Variants in TTC6 observed in about 807,000 individuals in gnomAD.
TTC6 encodes the protein tetratricopeptide repeat protein 6.
TTC6 carries 172 observed loss-of-function variants against 210.4 expected under a neutral mutation model. That is an observed-to-expected ratio of 0.82 (90% CI 0.72 to 0.93). The LOEUF is 0.93. Ranked by LOEUF, TTC6 falls within the 40% of genes least tolerant of loss-of-function variation. The pLI is 0.00. For synonymous variants in TTC6, 804 were observed against 819.6 expected (o/e 0.98, Z 0.32); for missense variants, 2,414 against 2,318.1 (o/e 1.04, Z -0.85).
intron 7 of TTC6, among the ~76,000 whole-genome samples, chr14:37,733,648 T>C (rs1001537424): frequency 1.6e-4 from 25 of 152,226 alleles, no homozygotes; most frequent in African/African-American, 6.0e-4. Flanking sequence ...TTTAAGTTTT[T>C]CATTTGCATT....
At chr14:37,765,645 A>G (rs2095996977) in intron 14 of TTC6, among the ~76,000 whole-genome samples, 1 of 152,016 alleles carries the variant, frequency 6.6e-6, no homozygotes, top group Non-Finnish European at 1.5e-5. Flanking sequence ...GGTGTTCTTT[A>G]CCTTGTTGTA....
chr14:37,782,221 A>G (rs28845788), intron 14 of TTC6, among the ~76,000 whole-genome samples: 56,923 of 151,940 alleles, frequency 0.37, 11,415 homozygotes, highest in Non-Finnish European at 0.46. Flanking sequence ...CTTTGGCAGT[A>G]TGACCATTTT....
Position 37,660,414 on chromosome 14 carries a change from T to C in TTC6, c.940-19737T>C, listed in dbSNP as rs1566870595. Among the ~76,000 whole-genome samples, 3 of 152,124 alleles carry C rather than the reference T, an allele frequency of 2.0e-5. No individual in the cohort carries two copies. In the East Asian group the frequency reaches 5.8e-4, roughly 29 times the overall value. ...ACCCCTGGACAGGCCCCAGTGTGTG[T>C]TGTTCCCCTCTCTGTGTCCATGTGT... On this transcript the variant is annotated intron_variant, in intron 1 of 30. Coordinates refer to ENST00000553443, the Ensembl canonical transcript of TTC6.
chr14:37,655,132 G>T (rs1001010155), intron 1 of TTC6, among the ~76,000 whole-genome samples: 10 of 152,184 alleles, frequency 6.6e-5, no homozygotes, highest in African/African-American at 2.2e-4. Flanking sequence ...CTTGTCCAGT[G>T]TAGCAGGCCC....
intron 26 of TTC6, 43 bp downstream of exon 28, chr14:37,817,694 A>G: frequency 6.4e-7 from 1 of 1,560,258 alleles, no homozygotes; most frequent in Non-Finnish European, 8.8e-7. Flanking sequence ...AAGCAGGACC[A>G]TCAGACTTAT....
chr14:37,751,272 C>T (rs776551525), intron 13 of TTC6, 47 bp downstream of exon 15: 119 of 1,354,524 alleles, frequency 8.8e-5, no homozygotes, highest in South Asian at 1.2e-4. Flanking sequence ...GTTTAGATTG[C>T]GATATCCTCA....
At chr14:37,830,532 T>A (rs1161567399) in intron 29 of TTC6, among the ~76,000 whole-genome samples, 2 of 151,922 alleles carry the variant, frequency 1.3e-5, no homozygotes, top group Non-Finnish European at 2.9e-5. Context: ...ATTTTCTTTG[T>A]CTTTCTTTTG....
chr14:37,663,208 T>G (rs2095740970), intron 1 of TTC6, among the ~76,000 whole-genome samples: 1 of 152,138 alleles, frequency 6.6e-6, no homozygotes, highest in South Asian at 2.1e-4. Context: ...ATGACTGTTG[T>G]TGGTGATTTT....
intron 14 of TTC6, among the ~76,000 whole-genome samples, chr14:37,777,043 T>C (rs935356549): frequency 2.0e-5 from 3 of 152,226 alleles, no homozygotes; most frequent in Non-Finnish European, 4.4e-5. Flanking sequence ...TTCTGTCATT[T>C]AGACCTTGGA....
At chr14:37,772,763 T>C (rs1455520779) in intron 14 of TTC6, among the ~76,000 whole-genome samples, 2 of 152,182 alleles carry the variant, frequency 1.3e-5, no homozygotes, top group Non-Finnish European at 2.9e-5. Context: ...ATCACCCGTC[T>C]TCTGCGTTGC....
intron 1 of TTC6, among the ~76,000 whole-genome samples, chr14:37,628,325 C>G (rs1404101198): frequency 6.6e-6 from 1 of 152,168 alleles, no homozygotes; most frequent in Admixed American, 6.5e-5. Context: ...GATGGTATCT[C>G]ATTGTGGTTT....
intron 1 of TTC6, among the ~76,000 whole-genome samples, chr14:37,657,346 AT>A (rs1293942204): frequency 2.3e-5 from 3 of 131,854 alleles, no homozygotes; most frequent in African/African-American, 5.4e-5. Context: ...GAAGCTTTCT[AT>A]TTAAAAAAAA....
chr14:37,818,979 G>T (rs1232897748), intron 26 of TTC6, among the ~76,000 whole-genome samples: 1 of 152,102 alleles, frequency 6.6e-6, no homozygotes, highest in Admixed American at 6.6e-5. Flanking sequence ...AACCATTAGA[G>T]CCAGTAAATT....
At chr14:37,802,784 G>A (rs2096109922) in intron 20 of TTC6, among the ~76,000 whole-genome samples, 1 of 149,962 alleles carries the variant, frequency 6.7e-6, no homozygotes, top group South Asian at 2.1e-4. Context: ...CCCAGCTGGA[G>A]TGCAGTGGCG....
intron 15 of TTC6, among the ~76,000 whole-genome samples, chr14:37,788,663 C>T (rs559843055): frequency 4.6e-5 from 7 of 152,214 alleles, no homozygotes; most frequent in African/African-American, 1.7e-4. Flanking sequence ...CCCATCTTTG[C>T]CCACCCTCAC....
chr14:37,608,462 A>G (rs1470444827), intron 2 of TTC6, among the ~76,000 whole-genome samples: 1 of 151,700 alleles, frequency 6.6e-6, no homozygotes, highest in African/African-American at 2.4e-5. Context: ...GGTTCATGCC[A>G]CCACACCTGG....
At chr14:37,709,728 A>G (rs1466801139) in intron 5 of TTC6, among the ~76,000 whole-genome samples, 3 of 150,878 alleles carry the variant, frequency 2.0e-5, no homozygotes, top group Admixed American at 6.6e-5. Flanking sequence ...ATATAGTTAT[A>G]CACTTACTCT....
At chr14:37,787,819 A>G (rs991950214) in intron 15 of TTC6, among the ~76,000 whole-genome samples, 182 bp downstream of exon 17, 1 of 152,060 alleles carries the variant, frequency 6.6e-6, no homozygotes, top group East Asian at 1.9e-4. Context: ...TAGGTATACA[A>G]TATATGAATA....
At chr14:37,628,381 A>C (rs1391785092) in intron 1 of TTC6, among the ~76,000 whole-genome samples, 1 of 152,116 alleles carries the variant, frequency 6.6e-6, no homozygotes, top group Non-Finnish European at 1.5e-5. Context: ...CTTTTTTCAT[A>C]TGTTTGTTGA....
Sources: allele counts gnomAD v4.1 joint callset (sites outside exome capture counted in the v4.1 genomes callset), GRCh38; gene constraint gnomAD v4.1.1; transcripts MANE v1.5; gene names NCBI Gene and HGNC (gene_info 2026-07-23, HGNC 2026-07-21).